The following FRAS1 variants were observed in gnomAD, a reference collection of about 807,000 sequenced individuals.
FRAS1 encodes the protein Fraser extracellular matrix complex subunit 1, also known as extracellular matrix organizing protein FRAS1.
Under a neutral mutation model 435.2 loss-of-function variants are expected in FRAS1, and 290 were observed. The observed-to-expected ratio is 0.67, with a 90% CI of 0.61 to 0.73. The LOEUF (loss-of-function observed/expected upper bound fraction) is 0.73, where lower values mean the gene tolerates loss of function less well. Ranked by LOEUF, FRAS1 falls within the 30% of genes least tolerant of loss-of-function variation. FRAS1 has a pLI of 0.00. For missense variants in FRAS1, 4,860 were observed against 5,001.5 expected (o/e 0.97, Z 0.85); for synonymous variants, 1,800 against 1,851.0 (o/e 0.97, Z 0.71).
intron 29 of FRAS1, among the ~76,000 whole-genome samples, chr4:78,392,272 G>A (rs774537309): frequency 2.6e-5 from 4 of 152,118 alleles, no homozygotes; most frequent in Non-Finnish European, 5.9e-5. Flanking sequence ...TGATATAAAT[G>A]AGATCTTGCA....
chr4:78,108,913 G>C (rs1742538475), intron 2 of FRAS1, among the ~76,000 whole-genome samples: 1 of 116,054 alleles, frequency 8.6e-6, no homozygotes, highest in African/African-American at 3.6e-5. Context: ...ATGATAAAGG[G>C]GATATCACCA....
chr4:78,518,918 T>C (rs1474521787), intron 66 of FRAS1, among the ~76,000 whole-genome samples: 2 of 152,158 alleles, frequency 1.3e-5, no homozygotes, highest in Non-Finnish European at 2.9e-5. Context: ...ACTTGGGCTC[T>C]CCCACAGGTC....
chr4:78,236,977 A>G (rs1168821785), intron 2 of FRAS1, among the ~76,000 whole-genome samples: 2 of 152,130 alleles, frequency 1.3e-5, no homozygotes, highest in African/African-American at 4.8e-5. Context: ...TCACTCATAC[A>G]TATGTTGGTG....
At chr4:78,534,638 A>T (rs1173676760) in intron 71 of FRAS1, 23 bp downstream of exon 71, 37 of 1,608,590 alleles carry the variant, frequency 2.3e-5, no homozygotes, top group Non-Finnish European at 3.1e-5. Flanking sequence ...CTCCACCTGC[A>T]GAAAGAGGCT....
chr4:78,093,630 T>G (rs1050960971), intron 2 of FRAS1, among the ~76,000 whole-genome samples: 3 of 152,196 alleles, frequency 2.0e-5, no homozygotes, highest in African/African-American at 4.8e-5. Flanking sequence ...TCCAACATTT[T>G]ATTTTAAATT....
At chr4:78,456,293 C>A (rs1455472853) in intron 47 of FRAS1, among the ~76,000 whole-genome samples, 1 of 151,970 alleles carries the variant, frequency 6.6e-6, no homozygotes, top group Non-Finnish European at 1.5e-5. Context: ...CAGGCACACA[C>A]CCCCACACCT....
chr4:78,393,396 T>C (rs1159984203), intron 29 of FRAS1, among the ~76,000 whole-genome samples: 2 of 127,382 alleles, frequency 1.6e-5, no homozygotes, highest in South Asian at 2.3e-4. Context: ...TAATAGTCTA[T>C]TTTAACTGAA....
intron 2 of FRAS1, among the ~76,000 whole-genome samples, chr4:78,150,834 G>A (rs757494081): frequency 6.6e-6 from 1 of 152,206 alleles, no homozygotes; most frequent in Non-Finnish European, 1.5e-5. Context: ...TGCTCTGAGT[G>A]CAGAAAGATG....
intron 2 of FRAS1, among the ~76,000 whole-genome samples, chr4:78,122,807 C>T (rs927411162): frequency 3.9e-5 from 6 of 152,136 alleles, no homozygotes; most frequent in Non-Finnish European, 5.9e-5. Context: ...ATCCTTTGCC[C>T]ATTTTTGATG....
intron 20 of FRAS1, among the ~76,000 whole-genome samples, chr4:78,355,298 G>C (rs1200270855): frequency 1.3e-5 from 2 of 152,006 alleles, no homozygotes; most frequent in African/African-American, 4.8e-5. Flanking sequence ...TTCCATCTGT[G>C]CTCCCCCCAC....
chr4:78,260,377 A>G (rs1265602832), intron 6 of FRAS1, among the ~76,000 whole-genome samples: 1 of 151,962 alleles, frequency 6.6e-6, no homozygotes, highest in Non-Finnish European at 1.5e-5. Flanking sequence ...CTTTTATTTC[A>G]TCGATCAGTG....
Position 78,518,450 on chromosome 4 carries a change from A to ATATATT in FRAS1, c.10390-878_10390-877insATTTAT, listed in dbSNP as rs1487744216. On this transcript the variant is annotated intron_variant, in intron 66 of 73. Coordinates refer to ENST00000512123, the MANE Select transcript of FRAS1 (RefSeq NM_025074.7). ...TATATATATATATATATATATATAT[A>ATATATT]TATTTATTTATTTATTTATTTGTGG... 3.2e-3 allele frequency among the ~76,000 whole-genome samples: 221 copies of ATATATT among 69,312 alleles called. 1 individual carries two copies. Among genetic ancestry groups the ATATATT allele is most frequent in the African/African-American group, 7.7e-3 (203 of 26,384 alleles). The allele number at this position is 69,312 out of a possible 152,430, so 45.5% of individuals were successfully genotyped here. A position where few individuals can be genotyped will look rare whatever the true frequency, so the allele number is the denominator to read the frequency against.
At chr4:78,511,642 A>G (rs1721045352) in intron 64 of FRAS1, 136 bp downstream of exon 64, 8 of 770,440 alleles carry the variant, frequency 1.0e-5, no homozygotes, top group Non-Finnish European at 1.3e-5. Flanking sequence ...GTAAAAGTTT[A>G]AATCTGTGAA....
chr4:78,393,618 A>T (rs990050789), intron 29 of FRAS1, among the ~76,000 whole-genome samples: 5 of 151,942 alleles, frequency 3.3e-5, no homozygotes, highest in Non-Finnish European at 5.9e-5. Flanking sequence ...GATTTCCTTC[A>T]CTTTTAAGGC....
At chr4:78,342,701 G>T (rs181302394) in intron 20 of FRAS1, among the ~76,000 whole-genome samples, 1 of 152,156 alleles carries the variant, frequency 6.6e-6, no homozygotes, top group African/African-American at 2.4e-5. Context: ...ACCTGGGGGC[G>T]GGGGAATGTC....
intron 55 of FRAS1, 126 bp downstream of exon 55, chr4:78,478,187 T>A: frequency 9.3e-7 from 1 of 1,078,124 alleles, no homozygotes; most frequent in Non-Finnish European, 1.3e-6. Flanking sequence ...ACTTATTAAC[T>A]CATTTGGTTC....
chr4:78,150,651 T>C (rs1460350136), intron 2 of FRAS1, among the ~76,000 whole-genome samples: 2 of 152,178 alleles, frequency 1.3e-5, no homozygotes, highest in African/African-American at 4.8e-5. Context: ...TTTGGTTAAC[T>C]TTTAGCTACA....
chr4:78,393,381 T>C (rs1732528727), intron 29 of FRAS1, among the ~76,000 whole-genome samples: 1 of 147,802 alleles, frequency 6.8e-6, no homozygotes, highest in African/African-American at 2.6e-5. Context: ...ACATAAAATA[T>C]CTTATAATAG....
intron 12 of FRAS1, 84 bp from the exon 13 acceptor site, chr4:78,284,321 C>A: frequency 2.5e-6 from 3 of 1,214,424 alleles, no homozygotes; most frequent in Non-Finnish European, 2.2e-6. Flanking sequence ...ATGCTACATA[C>A]TTTGTAGATT....
Sources: allele counts gnomAD v4.1 joint callset (sites outside exome capture counted in the v4.1 genomes callset), GRCh38; gene constraint gnomAD v4.1.1; transcripts MANE v1.5; gene names NCBI Gene and HGNC (gene_info 2026-07-23, HGNC 2026-07-21).